ADK: variants seen among roughly 807,000 people sequenced by gnomAD.
ADK encodes the protein adenosine kinase.
In ADK, 24 loss-of-function variants were observed where a neutral mutation model predicts 44.7. The observed-to-expected ratio is 0.54, with a 90% confidence interval of 0.39 to 0.76. ADK has a LOEUF of 0.76. Among genes scored for constraint, ADK ranks in the 30% least tolerant of loss-of-function variants. ADK has a pLI of 0.00. For synonymous variants in ADK, 128 were observed against 142.6 expected, an observed-to-expected ratio of 0.90 and a Z score of 0.73; for missense variants, 321 against 425.1, an observed-to-expected ratio of 0.76 and a Z score of 2.15.
At chr10:74,249,856 G>A (rs920043824) in intron 3 of ADK, among the ~76,000 whole-genome samples, 3 of 152,084 alleles carry the variant, frequency 2.0e-5, no homozygotes, top group Admixed American at 2.0e-4. Context: ...ACTAATATTT[G>A]TTAGTTTTAT....
At chr10:74,509,273 A>T (rs1589191632) in intron 6 of ADK, 1 of 152,020 alleles carries the variant, frequency 6.6e-6, no homozygotes, top group East Asian at 1.9e-4. Flanking sequence ...CCTCACTGCA[A>T]CCTCCACCCC....
At chr10:74,297,996 C>G (rs1278730343) in intron 3 of ADK, among the ~76,000 whole-genome samples, 1 of 151,840 alleles carries the variant, frequency 6.6e-6, no homozygotes, top group Non-Finnish European at 1.5e-5. Flanking sequence ...TTTTTTATTA[C>G]TAGGGCATAC....
chr10:74,692,463 G>A (rs1299918528), intron 10 of ADK, among the ~76,000 whole-genome samples: 1 of 152,012 alleles, frequency 6.6e-6, no homozygotes. Context: ...TGGGCAACAA[G>A]AGCAAAACTC....
At chr10:74,525,485 T>C (rs1198261098) in intron 7 of ADK, 59 bp downstream of exon 7, 1 of 1,389,562 alleles carries the variant, frequency 7.2e-7, no homozygotes, top group African/African-American at 1.4e-5. Flanking sequence ...TTATTTCTGA[T>C]GTGTGTATAT....
At chr10:74,655,718 C>T (rs905049347) in intron 9 of ADK, 1 of 485,204 alleles carries the variant, frequency 2.1e-6, no homozygotes, top group Non-Finnish European at 4.1e-6. Flanking sequence ...AGCTGAGCCT[C>T]ACCAAGGAGG....
intron 2 of ADK, among the ~76,000 whole-genome samples, chr10:74,216,448 G>A (rs1001924777): frequency 1.3e-5 from 2 of 152,100 alleles, no homozygotes; most frequent in Non-Finnish European, 2.9e-5. Flanking sequence ...AAATAGGCCA[G>A]GTGCAGTGGC....
intron 4 of ADK, among the ~76,000 whole-genome samples, chr10:74,376,144 G>C (rs1842814516): frequency 6.6e-6 from 1 of 151,888 alleles, no homozygotes; most frequent in Non-Finnish European, 1.5e-5. Context: ...TGTTTCTAAA[G>C]CAATTAACAA....
At chr10:74,696,491 G>A (rs1286407798) in intron 10 of ADK, among the ~76,000 whole-genome samples, 1 of 150,628 alleles carries the variant, frequency 6.6e-6, no homozygotes, top group African/African-American at 2.4e-5. Context: ...TCAGCCTCCC[G>A]AGTAGCTGGG....
intron 3 of ADK, among the ~76,000 whole-genome samples, chr10:74,295,390 A>C (rs1839775933): frequency 6.6e-6 from 1 of 151,682 alleles, no homozygotes; most frequent in East Asian, 2.0e-4. Context: ...TGAACCTGAG[A>C]GGCGGAGGTG....
intron 7 of ADK, among the ~76,000 whole-genome samples, chr10:74,544,236 G>T (rs1216819923): frequency 6.6e-6 from 1 of 152,200 alleles, no homozygotes; most frequent in Non-Finnish European, 1.5e-5. Flanking sequence ...CTTGATTGGT[G>T]ATCACTTTCT....
At chr10:74,316,718 C>A (rs919987315) in intron 4 of ADK, among the ~76,000 whole-genome samples, 2 of 152,162 alleles carry the variant, frequency 1.3e-5, no homozygotes, top group African/African-American at 4.8e-5. Context: ...TGAAAATGAA[C>A]TAATACCGGG....
chr10:74,631,900 G>A (rs941670505), intron 9 of ADK, among the ~76,000 whole-genome samples: 1 of 151,986 alleles, frequency 6.6e-6, no homozygotes, highest in Non-Finnish European at 1.5e-5. Context: ...CCTACCTCTT[G>A]TAGGTAACCA....
At chr10:74,415,828 C>A (rs912547552) in intron 6 of ADK, among the ~76,000 whole-genome samples, 19 of 151,970 alleles carry the variant, frequency 1.3e-4, no homozygotes, top group African/African-American at 4.1e-4. Context: ...ATTATGACTA[C>A]AAATGATGCA....
intron 3 of ADK, among the ~76,000 whole-genome samples, chr10:74,278,648 T>G (rs1846796091): frequency 6.6e-6 from 1 of 152,186 alleles, no homozygotes; most frequent in African/African-American, 2.4e-5. Flanking sequence ...ATGTCCTTTT[T>G]CCTTCTTTCA....
intron 10 of ADK, among the ~76,000 whole-genome samples, chr10:74,693,460 G>T (rs1357816537): frequency 2.0e-5 from 3 of 152,154 alleles, no homozygotes; most frequent in Non-Finnish European, 2.9e-5. Context: ...CTATGGCTTA[G>T]ACTTGTGTCC....
intron 6 of ADK, among the ~76,000 whole-genome samples, chr10:74,435,308 T>C (rs768146967): frequency 1.3e-5 from 2 of 152,204 alleles, no homozygotes; most frequent in Non-Finnish European, 2.9e-5. Flanking sequence ...TTAGATATTA[T>C]GTAACTTGAG....
At chr10:74,190,868 A>T (rs1418286736) in intron 1 of ADK, among the ~76,000 whole-genome samples, 1 of 152,206 alleles carries the variant, frequency 6.6e-6, no homozygotes, top group East Asian at 1.9e-4. Context: ...TTAAAATGCC[A>T]CAAAGCTTGC....
At chr10:74,542,412 G>T (rs1426677934) in intron 7 of ADK, among the ~76,000 whole-genome samples, 1 of 152,150 alleles carries the variant, frequency 6.6e-6, no homozygotes, top group Non-Finnish European at 1.5e-5. Flanking sequence ...TTTACTAAGA[G>T]CTCAATATCT....
chr10:74,414,907 C>T (rs1276368525), intron 6 of ADK, among the ~76,000 whole-genome samples: 1 of 152,088 alleles, frequency 6.6e-6, no homozygotes, highest in African/African-American at 2.4e-5. Context: ...TTTCTTAACT[C>T]TTATTTTTGG....
Sources: allele counts gnomAD v4.1 joint callset (sites outside exome capture counted in the v4.1 genomes callset), GRCh38; gene constraint gnomAD v4.1.1; transcripts MANE v1.5; gene names NCBI Gene and HGNC (gene_info 2026-07-23, HGNC 2026-07-21).